RP1: variants seen among roughly 807,000 people sequenced by gnomAD.
The protein encoded by RP1 is oxygen-regulated protein 1.
Under a neutral mutation model 14.8 loss-of-function variants are expected in RP1, and 16 were observed. The ratio of observed to expected loss-of-function variants is 1.08; its 90% CI spans 0.73 to 1.65. The LOEUF is 1.65. Among genes scored for constraint, RP1 ranks in the 40% most tolerant of loss-of-function variants. The pLI is 0.00. For missense variants in RP1, 2,631 were observed against 2,535.0 expected (o/e 1.04, Z -0.81); for synonymous variants, 876 against 883.6 (o/e 0.99, Z 0.15).
rs748387149 is a variant in RP1, at chr8:54,630,297, G to A, written c.6415G>A (p.Glu2139Lys). Residue 2139 changes from glutamate to lysine, a missense_variant, in exon 4 of 4, where the codon GAA (glutamate) becomes AAA (lysine). Coordinates refer to ENST00000220676, the MANE Select transcript of RP1 (RefSeq NM_006269.2). ...EGENLFIWEE[E>K]DILNLTDLES... is the part of the protein sequence containing the mutation. ...TGAAAATCTTTTCATTTGGGAAGAG[G>A]AAGACATATTAAATTTAACTGATCT... 6.2e-7 allele frequency: 1 copy of A among 1,613,664 alleles called. No homozygotes were observed. The highest frequency in any genetic ancestry group is 8.5e-7 in the Non-Finnish European group (1 of 1,179,796).
At chr8:54,569,061 C>A (rs957064093) in intron 1 of RP1, among the ~76,000 whole-genome samples, 1 of 152,194 alleles carries the variant, frequency 6.6e-6, no homozygotes, top group Non-Finnish European at 1.5e-5. Flanking sequence ...TAAATATTAG[C>A]TGTTCTTATT....
At chr8:54,693,947 G>T (rs199801657) in intron 12 of RP1, among the ~76,000 whole-genome samples, 7 of 151,928 alleles carry the variant, frequency 4.6e-5, no homozygotes, top group Admixed American at 1.3e-4. Context: ...ATGATATTGG[G>T]TGTGGGTTTG....
chr8:54,633,737 C>CTCTATATATATATATATA (rs1236298691), downstream of RP1, among the ~76,000 whole-genome samples: 2 of 118,806 alleles, frequency 1.7e-5, no homozygotes, highest in African/African-American at 6.5e-5. Context: ...CTCTCTCTCT[C>CTCTATATATATATATATA]TATATATATA....
At position 54,783,685 on chromosome 8, in the gene RP1, AC is replaced by A. The variant is rs1810245722; in HGVS notation, c.3593del (p.Pro1198LeufsTer43). 8.1e-7 allele frequency: 1 copy of A among 1,231,500 alleles called. No homozygotes were observed. Among genetic ancestry groups the A allele is most frequent in the Admixed American group, 4.2e-5 (1 of 23,708 alleles). The allele number at this position is 1,231,500 out of a possible 1,614,324, so 76.3% of individuals were successfully genotyped here. A position where few individuals can be genotyped will look rare whatever the true frequency, so the allele number is the denominator to read the frequency against. Reference sequence around the variant, plus strand: ...GGATCTGGGAAACACCAGCTGTTTAACCCTAACACTGCAGATATATTCAAGG... The same window carrying A: ...GGATCTGGGAAACACCAGCTGTTTAACCTAACACTGCAGATATATTCAAGG... On this transcript the variant is annotated frameshift_variant, in exon 24 of 29. Transcript: ENST00000637698. LOFTEE classifies it high-confidence loss of function.
At chr8:54,694,385 G>T (rs1405539482) in intron 12 of RP1, among the ~76,000 whole-genome samples, 1 of 152,174 alleles carries the variant, frequency 6.6e-6, no homozygotes, top group Non-Finnish European at 1.5e-5. Flanking sequence ...AATAGTTTCA[G>T]AAGGAATGGT....
chr8:54,585,939 C>T (rs6473947), intron 1 of RP1, among the ~76,000 whole-genome samples: 28,508 of 150,950 alleles, frequency 0.19, 2,707 homozygotes, highest in African/African-American at 0.22. Flanking sequence ...GCCATGGGTT[C>T]GAACTTCCTC....
At chr8:54,764,661 AG>A (rs1429855679) in intron 22 of RP1, among the ~76,000 whole-genome samples, 1 of 152,178 alleles carries the variant, frequency 6.6e-6, no homozygotes, top group East Asian at 1.9e-4. Context: ...CTGAAATAGA[AG>A]GGAACTAGGT....
chr8:54,625,942 A>G lies in RP1; in HGVS notation c.2060A>G (p.Asp687Gly), dbSNP rs536230043. 35 of 1,614,014 alleles carry G rather than the reference A, an allele frequency of 2.2e-5. No individual in the cohort carries two copies. Among genetic ancestry groups the G allele is most frequent in the Non-Finnish European group, 2.9e-5 (34 of 1,179,956 alleles). Residue 687 changes from aspartate to glycine, a missense_variant, in exon 4 of 4, where the codon GAT (aspartate) becomes GGT (glycine). Coordinates refer to ENST00000220676, the MANE Select transcript of RP1 (RefSeq NM_006269.2). Reference sequence around the variant, plus strand: ...CAAGCAATAAATTCCAGGTATCAAGATGGACAGCTTGCAACCAAAGGAATT... The same window carrying G: ...CAAGCAATAAATTCCAGGTATCAAGGTGGACAGCTTGCAACCAAAGGAATT... ...RQQAINSRYQDGQLATKGILN... is the reference protein window; with the variant it reads ...RQQAINSRYQGGQLATKGILN...
chr8:54,815,289 T>C lies in RP1; in HGVS notation c.3616-22161T>C, dbSNP rs71517598. ...CCCCTCAAATTGTATATATCAAATA[T>C]GCAAAATTTTTGCAAATCAATTACA... On this transcript the variant is annotated intron_variant, in intron 24 of 28. Coordinates refer to the RP1 transcript ENST00000637698. Among the ~76,000 whole-genome samples, 554 of 152,314 alleles carry C rather than the reference T, an allele frequency of 3.6e-3. 1 individual carries two copies. The highest frequency in any genetic ancestry group is 5.5e-3 in the Non-Finnish European group (373 of 68,018).
chr8:54,843,610 A>T (rs1811842214), intron 25 of RP1, among the ~76,000 whole-genome samples: 1 of 152,164 alleles, frequency 6.6e-6, no homozygotes, highest in African/African-American at 2.4e-5. Flanking sequence ...GTGCTCTGAG[A>T]GCTTAATTCT....
At chr8:54,797,592 A>C (rs1022105937) in intron 24 of RP1, among the ~76,000 whole-genome samples, 1 of 151,760 alleles carries the variant, frequency 6.6e-6, no homozygotes, top group Non-Finnish European at 1.5e-5. Flanking sequence ...AGTCCACTGC[A>C]TGTGTTAGGA....
At position 54,739,931 on chromosome 8, in the gene RP1, GTA is replaced by G. The variant is rs201110003; in HGVS notation, c.2808+903_2808+904del. Among the ~76,000 whole-genome samples the G allele has an allele frequency of 7.7e-3, 1,165 of 151,728 alleles. 18 individuals carry two copies. The highest frequency in any genetic ancestry group is 0.027 in the African/African-American group (1,106 of 41,296). On this transcript the variant is annotated intron_variant, in intron 19 of 22. Coordinates refer to the RP1 transcript ENST00000636932. ...CTCATGTATTTGTGGTGATGCAGGT[GTA>G]AACAAACCTACTGTGCTGCCAGTTG...
chr8:54,859,897 A>G (rs1302293425), intron 27 of RP1, among the ~76,000 whole-genome samples: 2 of 151,880 alleles, frequency 1.3e-5, no homozygotes, highest in Non-Finnish European at 2.9e-5. Context: ...AGTTAGTAGA[A>G]CCCCCAGACT....
At chr8:54,606,834 A>C (rs1805458008) in intron 1 of RP1, among the ~76,000 whole-genome samples, 1 of 152,096 alleles carries the variant, frequency 6.6e-6, no homozygotes, top group African/African-American at 2.4e-5. Flanking sequence ...AGTTGATCGA[A>C]TCGGCTACTG....
rs927533981 is a variant in RP1 at position 54,627,904 on chromosome 8, C to G, written c.4022C>G (p.Thr1341Ser). The G allele has an allele frequency of 2.5e-6, 4 of 1,613,956 alleles. No individual in the cohort carries two copies. The African/African-American group carries it at 5.3e-5, about 22-fold the overall frequency. The change falls in exon 4 of 4, where the codon ACC (threonine) becomes AGC (serine). Residue 1341 changes from threonine to serine, a missense_variant. Transcript: ENST00000220676. ...ETYVPVNVCN[T>S]IDFLNSKENT... ...TACGTTCCTGTCAATGTCTGCAATACCATTGACTTTTTAAACTCCAAAGAA... is the reference window on the plus strand; with the variant it reads ...TACGTTCCTGTCAATGTCTGCAATAGCATTGACTTTTTAAACTCCAAAGAA...
chr8:54,842,236 A>C (rs1036810734), intron 25 of RP1, among the ~76,000 whole-genome samples: 1 of 152,222 alleles, frequency 6.6e-6, no homozygotes, highest in African/African-American at 2.4e-5. Context: ...ATCTGGCGGC[A>C]AATCTAGGTC....
chr8:54,588,971 C>A (rs925242842), intron 1 of RP1, among the ~76,000 whole-genome samples: 3 of 152,142 alleles, frequency 2.0e-5, no homozygotes, highest in Non-Finnish European at 4.4e-5. Context: ...AAGTAACTCA[C>A]CCTAGTGTGC....
At position 54,866,225 on chromosome 8, in the gene RP1, T is replaced by C. The variant is rs541449325; in HGVS notation, c.4151+309T>C. On this transcript the variant is annotated intron_variant, in intron 28 of 28. Coordinates refer to the RP1 transcript ENST00000637698. ...CACATGCTAAGCTCCCTGCTAGTAC[T>C]GTGAACTTGGGTACCACTCTTAACT... is the stretch of plus-strand genomic sequence containing the variant. Among the ~76,000 whole-genome samples, 5 of 152,342 alleles carry C rather than the reference T, an allele frequency of 3.3e-5. No homozygotes were observed. The East Asian group carries it at 9.6e-4, about 29-fold the overall frequency.
At chr8:54,663,469 T>C (rs1169351360) in intron 6 of RP1, among the ~76,000 whole-genome samples, 3 of 152,202 alleles carry the variant, frequency 2.0e-5, no homozygotes, top group Non-Finnish European at 4.4e-5. Context: ...ATCAATTTTA[T>C]TGTTATTGTT....
Sources: gnomAD v4.1 joint callset for allele counts (sites outside exome capture counted in the v4.1 genomes callset) on GRCh38, gnomAD v4.1.1 for gene constraint, MANE v1.5 for transcripts, NCBI Gene and HGNC (gene_info 2026-07-23, HGNC 2026-07-21) for gene names.